PRKG1: variants seen among roughly 807,000 people sequenced by gnomAD.
PRKG1 encodes the protein protein kinase cGMP-dependent 1, also known as cGMP-dependent protein kinase 1.
PRKG1 carries 35 observed loss-of-function variants against 88.1 expected under a neutral mutation model. That is an observed-to-expected ratio of 0.40 (90% CI 0.30 to 0.53). PRKG1 has a LOEUF of 0.53. Among genes scored for constraint, PRKG1 ranks in the 20% least tolerant of loss-of-function variants. PRKG1 has a pLI of 0.59. For synonymous variants in PRKG1, 303 were observed against 292.5 expected (o/e 1.04, Z -0.37); for missense variants, 540 against 839.8 (o/e 0.64, Z 4.41).
chr10:51,275,350 T>C (rs1463833014), intron 2 of PRKG1, among the ~76,000 whole-genome samples: 1 of 152,138 alleles, frequency 6.6e-6, no homozygotes, highest in Non-Finnish European at 1.5e-5. Flanking sequence ...TAAATCACAC[T>C]TCTTTTGTTC....
chr10:51,180,748 C>G (rs1047936291), intron 2 of PRKG1, among the ~76,000 whole-genome samples: 3 of 152,200 alleles, frequency 2.0e-5, no homozygotes, highest in Admixed American at 2.0e-4. Flanking sequence ...AGGGTTCTTT[C>G]TGGTAGCAAC....
At chr10:51,442,843 G>C (rs1425433717) in intron 2 of PRKG1, among the ~76,000 whole-genome samples, 1 of 151,996 alleles carries the variant, frequency 6.6e-6, no homozygotes, top group Non-Finnish European at 1.5e-5. Context: ...CCTAGAACAA[G>C]TCATTATCTC....
chr10:51,520,587 T>C (rs1014187274), intron 3 of PRKG1, among the ~76,000 whole-genome samples: 4 of 152,010 alleles, frequency 2.6e-5, no homozygotes, highest in Admixed American at 1.3e-4. Flanking sequence ...ATAATTGATA[T>C]GATTAAAACC....
At chr10:52,188,231 TATATATATAC>T (rs1459474665) in intron 9 of PRKG1, among the ~76,000 whole-genome samples, 3 of 16,832 alleles carry the variant, frequency 1.8e-4, no homozygotes, top group Non-Finnish European at 3.4e-4. Flanking sequence ...TATACATATG[TATATATATAC>T]ATATATATGT....
Position 52,288,912 on chromosome 10 carries a change from A to G in PRKG1, c.1833-19A>G, listed in dbSNP as rs200171718. Reference sequence around the variant, plus strand: ...ATGTGAAAAAATTAGATTTAATAAAACCATTATTTTATTTTTAGGGACAAT... The same window carrying G: ...ATGTGAAAAAATTAGATTTAATAAAGCCATTATTTTATTTTTAGGGACAAT... On this transcript the variant is annotated intron_variant, in intron 15 of 17. Coordinates refer to ENST00000373980, the MANE Select transcript of PRKG1 (RefSeq NM_006258.4). 6.3e-7 allele frequency: 1 copy of G among 1,599,064 alleles called. No homozygotes were observed. Among genetic ancestry groups the G allele is most frequent in the Non-Finnish European group, 8.5e-7 (1 of 1,171,528 alleles).
chr10:51,491,717 G>A (rs980087479), intron 3 of PRKG1, among the ~76,000 whole-genome samples: 6 of 152,110 alleles, frequency 3.9e-5, no homozygotes, highest in Admixed American at 6.6e-5. Context: ...GAATGATCGA[G>A]TAATTCAGCT....
At position 51,127,033 on chromosome 10, in the gene PRKG1, G is replaced by C. The variant is rs147946110; in HGVS notation, c.312-26131G>C. 3.9e-5 allele frequency among the ~76,000 whole-genome samples: 6 copies of C among 152,200 alleles called. No individual in the cohort carries two copies. In the East Asian group the frequency reaches 1.2e-3, roughly 29 times the overall value. ...CCTAGAAGAAAACCTAGGCAATACC[G>C]TTCAAGATGTAGGCATGGACAAAGA... On this transcript the variant is annotated intron_variant, in intron 1 of 17. Coordinates refer to ENST00000373980, the MANE Select transcript of PRKG1 (RefSeq NM_006258.4).
intron 5 of PRKG1, among the ~76,000 whole-genome samples, chr10:52,022,530 T>C (rs1191302254): frequency 6.6e-6 from 1 of 152,194 alleles, no homozygotes. Flanking sequence ...TATTATTATA[T>C]AGTTACCTTT....
intron 1 of PRKG1, among the ~76,000 whole-genome samples, chr10:51,104,325 A>T (rs1844765066): frequency 6.6e-6 from 1 of 152,134 alleles, no homozygotes; most frequent in Non-Finnish European, 1.5e-5. Flanking sequence ...GAATGGTTTG[A>T]CTCTTTGTAC....
intron 7 of PRKG1, among the ~76,000 whole-genome samples, chr10:52,131,150 G>A (rs1837245983): frequency 6.6e-6 from 1 of 152,140 alleles, no homozygotes; most frequent in South Asian, 2.1e-4. Flanking sequence ...GGGTTCAGAA[G>A]TATGATGGAT....
intron 3 of PRKG1, among the ~76,000 whole-genome samples, chr10:51,569,229 G>A (rs191494922): frequency 2.6e-5 from 4 of 152,104 alleles, no homozygotes; most frequent in East Asian, 1.9e-4. Flanking sequence ...GGCAAGATAA[G>A]GTTGTGTTTT....
chr10:51,826,400 C>T (rs571687921), intron 4 of PRKG1, among the ~76,000 whole-genome samples: 9 of 152,292 alleles, frequency 5.9e-5, no homozygotes, highest in African/African-American at 1.4e-4. Context: ...GCTACTCCCT[C>T]TGGGAACCAA....
At chr10:51,746,582 G>A (rs1425201882) in intron 3 of PRKG1, among the ~76,000 whole-genome samples, 2 of 151,926 alleles carry the variant, frequency 1.3e-5, no homozygotes, top group Non-Finnish European at 2.9e-5. Flanking sequence ...AATTAGCCAG[G>A]CATCATGGTG....
At chr10:51,329,570 C>T (rs987336354) in intron 2 of PRKG1, among the ~76,000 whole-genome samples, 2 of 152,188 alleles carry the variant, frequency 1.3e-5, no homozygotes, top group African/African-American at 4.8e-5. Flanking sequence ...TTTGTGCTTT[C>T]AGCTTAAAGA....
chr10:52,120,337 C>T (rs1018505093), intron 7 of PRKG1, among the ~76,000 whole-genome samples: 4 of 152,122 alleles, frequency 2.6e-5, no homozygotes, highest in Non-Finnish European at 5.9e-5. Flanking sequence ...TCACATTCAA[C>T]ATACATCCAT....
intron 9 of PRKG1, among the ~76,000 whole-genome samples, chr10:52,250,758 A>C (rs1447918558): frequency 6.6e-6 from 1 of 152,176 alleles, no homozygotes; most frequent in Admixed American, 6.6e-5. Flanking sequence ...GATATATTTT[A>C]AGCAGCTCAT....
chr10:52,233,935 C>A, intron 9 of PRKG1, among the ~76,000 whole-genome samples: 1 of 152,060 alleles, frequency 6.6e-6, no homozygotes, highest in East Asian at 2.0e-4. Context: ...TTGAAGAGAG[C>A]AGTGGTTCTC....
At chr10:51,405,103 C>T (rs1564479805) in intron 2 of PRKG1, among the ~76,000 whole-genome samples, 1 of 152,052 alleles carries the variant, frequency 6.6e-6, no homozygotes. Flanking sequence ...ATAAATTTGC[C>T]TTCATTAAGT....
At chr10:52,192,440 C>T (rs1839390488) in intron 9 of PRKG1, among the ~76,000 whole-genome samples, 1 of 152,048 alleles carries the variant, frequency 6.6e-6, no homozygotes, top group Non-Finnish European at 1.5e-5. Context: ...TATTATTTAA[C>T]TCACAGTATG....
Sources: gnomAD v4.1 joint callset for allele counts (sites outside exome capture counted in the v4.1 genomes callset) on GRCh38, gnomAD v4.1.1 for gene constraint, MANE v1.5 for transcripts, NCBI Gene and HGNC (gene_info 2026-07-23, HGNC 2026-07-21) for gene names.